The following E2F8 variants were observed in gnomAD, a reference collection of about 807,000 sequenced individuals.
The protein encoded by E2F8 is transcription factor E2F8.
E2F8 carries 35 observed loss-of-function variants against 80.8 expected under a neutral mutation model. The observed-to-expected ratio is 0.43, with a 90% confidence interval of 0.33 to 0.57. E2F8 has a LOEUF of 0.57. Among genes scored for constraint, E2F8 ranks in the 20% least tolerant of loss-of-function variants. E2F8 has a pLI of 0.04. For missense variants in E2F8, 975 were observed against 1,056.2 expected (o/e 0.92, Z 1.07); for synonymous variants, 386 against 395.0 (o/e 0.98, Z 0.27).
At chr11:19,233,750 A>G (rs986568989) in intron 6 of E2F8, among the ~76,000 whole-genome samples, 8 of 151,944 alleles carry the variant, frequency 5.3e-5, no homozygotes, top group African/African-American at 1.9e-4. Context: ...GGCCTCCCAA[A>G]GTGCTGAGAT....
chr11:19,231,865 A>G (rs1851391882), intron 7 of E2F8, among the ~76,000 whole-genome samples: 3 of 152,186 alleles, frequency 2.0e-5, no homozygotes, highest in Admixed American at 1.3e-4. Context: ...CTTTTCAATC[A>G]TATATATCTT....
intron 4 of E2F8, among the ~76,000 whole-genome samples, chr11:19,235,690 C>T (rs1365359076): frequency 1.3e-5 from 2 of 151,342 alleles, no homozygotes; most frequent in South Asian, 2.1e-4. Flanking sequence ...GATGAGAAAA[C>T]AGAGGCTCAG....
chr11:19,233,573 C>T (rs1206469805), intron 6 of E2F8, among the ~76,000 whole-genome samples: 2 of 151,892 alleles, frequency 1.3e-5, no homozygotes, highest in African/African-American at 2.4e-5. Flanking sequence ...CTGCAAGCGC[C>T]GCCTCCCAGG....
chr11:19,229,612 G>A lies in E2F8; in HGVS notation c.1735C>T (p.Pro579Ser). Reference protein sequence around the residue: ...DTSKASASTRPGSLLPAPERQ... With the variant: ...DTSKASASTRSGSLLPAPERQ... ...TCTGGTGCTGGCAGCAAGCTTCCAG[G>A]CCTGGTAGAGGCACTGGCCTTTGAG... Residue 579 changes from proline to serine, a missense_variant, in exon 10 of 13, where the codon CCT (proline) becomes TCT (serine). Pro to Ser is a moderately conservative substitution (Grantham distance 74, BLOSUM62 -1). Transcript: ENST00000250024. The surrounding 1 kb of genome is among the most constrained non-coding windows in gnomAD (Gnocchi z 4.3). 1.2e-6 allele frequency: 2 copies of A among 1,614,136 alleles called. No individual in the cohort carries two copies. Among genetic ancestry groups the A allele is most frequent in the East Asian group, 2.2e-5 (1 of 44,876 alleles).
At chr11:19,239,446 G>A (rs781668011) in intron 2 of E2F8, among the ~76,000 whole-genome samples, 7 of 152,128 alleles carry the variant, frequency 4.6e-5, no homozygotes, top group South Asian at 2.1e-4. Flanking sequence ...TAGGAAATAT[G>A]CATGTAAGTT....
Position 19,240,211 on chromosome 11 carries a change from G to T in E2F8, c.-90C>A. On this transcript the variant is annotated 5_prime_UTR_variant, in exon 2 of 13. Coordinates refer to ENST00000250024, the MANE Select transcript of E2F8 (RefSeq NM_024680.4). ...GATGGTTCAAGTAGTCCAATCAATT[G>T]TACTAAAAGTTTTAATATCCTTAAA... 1 of 800,068 alleles carries T rather than the reference G, an allele frequency of 1.2e-6. No individual in the cohort carries two copies. Among genetic ancestry groups the T allele is most frequent in the Non-Finnish European group, 1.9e-6 (1 of 536,688 alleles). The allele number at this position is 800,068 out of a possible 1,614,324, so 49.6% of individuals were successfully genotyped here.
chr11:19,241,220 A>C (rs931104351), upstream of E2F8, among the ~76,000 whole-genome samples: 1 of 152,124 alleles, frequency 6.6e-6, no homozygotes, highest in African/African-American at 2.4e-5. This position sits in a 1 kb window ranked among gnomAD's most constrained non-coding sequence, Gnocchi z 4.5. Context: ...CGCGCCCGGA[A>C]CCACGGCAAC....
intron 5 of E2F8, 92 bp downstream of exon 5, chr11:19,234,652 C>T (rs778610376): frequency 3.9e-6 from 6 of 1,525,226 alleles, no homozygotes; most frequent in Non-Finnish European, 5.3e-6. Flanking sequence ...TTAAAGGCAG[C>T]AGTAGCTTTA....
intron 10 of E2F8, among the ~76,000 whole-genome samples, chr11:19,226,231 G>GA (rs1304281849): frequency 6.6e-6 from 1 of 152,204 alleles, no homozygotes. Context: ...GATTGTTCTT[G>GA]AATTATGTAG....
Position 19,240,099 on chromosome 11 carries a change from T to C in E2F8, c.15+8A>G. On this transcript the variant is annotated splice_region_variant and intron_variant, in intron 2 of 12. Transcript: ENST00000250024. ...ATTGCAATGATGAATACTGAAGTTA[T>C]AAAGTACCTTTTCGTTCTCCATTCT... 2.0e-6 allele frequency: 3 copies of C among 1,528,118 alleles called. No homozygotes were observed. The highest frequency in any genetic ancestry group is 2.4e-5 in the East Asian group (1 of 40,894). 94.7% of individuals were successfully genotyped at this position (1,528,118 alleles called of 1,614,324 possible).
chr11:19,233,036 C>G (rs1851421304), intron 6 of E2F8, among the ~76,000 whole-genome samples: 1 of 152,132 alleles, frequency 6.6e-6, no homozygotes, highest in African/African-American at 2.4e-5. Context: ...TAACTTACAC[C>G]TCTGCAGTTC....
chr11:19,235,673 A>G (rs1851500622), intron 4 of E2F8, among the ~76,000 whole-genome samples: 1 of 152,126 alleles, frequency 6.6e-6, no homozygotes, highest in Non-Finnish European at 1.5e-5. Context: ...AAACAAAAAA[A>G]AAAAACGATG....
rs757922771 is a variant in E2F8, at chr11:19,229,715, C to T, written c.1632G>A (p.Val544=). The change falls in exon 10 of 13, where the codon GTG becomes GTA. Residue 544 remains valine, a synonymous_variant. Coordinates refer to ENST00000250024, the MANE Select transcript of E2F8 (RefSeq NM_024680.4). This position sits in a 1 kb window ranked among gnomAD's most constrained non-coding sequence, Gnocchi z 4.3. ...VTPPQGLSPT[V]CTTHSSKATG... The stretch of plus-strand genomic sequence containing the variant: ...TAGCTTTAGAAGAGTGGGTGGTGCA[C>T]ACCGTTGGGCTCAGGCCTTGGGGTG... 1 of 1,614,186 alleles carries T rather than the reference C, an allele frequency of 6.2e-7. No individual in the cohort carries two copies. Among genetic ancestry groups the T allele is most frequent in the Admixed American group, 1.7e-5 (1 of 60,032 alleles).
rs983622433 is a variant in E2F8, at chr11:19,229,518, A to C, written c.1829T>G (p.Leu610Arg). ...GERGSKRASM[L>R]EDSGSKKKFK... ...TTTCTTTTTGGAACCACTGTCCTCG[A>C]GCATGCTTGCCCTCTTTGAGCCTCT... The change falls in exon 10 of 13, where the codon CTC becomes CGC. Residue 610 changes from leucine to arginine, a missense_variant. By Grantham distance (102) the Leu-to-Arg change is moderately radical. Coordinates refer to ENST00000250024, the MANE Select transcript of E2F8 (RefSeq NM_024680.4). This position sits in a 1 kb window ranked among gnomAD's most constrained non-coding sequence, Gnocchi z 4.3. 1 of 1,614,194 alleles carries C rather than the reference A, an allele frequency of 6.2e-7. No homozygotes were observed. The highest frequency in any genetic ancestry group is 1.3e-5 in the African/African-American group (1 of 75,038).
chr11:19,235,086 C>A, intron 4 of E2F8, 28 bp from the exon 5 acceptor site: 2 of 1,561,416 alleles, frequency 1.3e-6, no homozygotes, highest in Non-Finnish European at 1.7e-6. Context: ...TTGTGTGTTA[C>A]AGATTTTTGT....
chr11:19,237,929 C>T lies in E2F8; in HGVS notation c.219G>A (p.Glu73=). Residue 73 remains glutamate, a synonymous_variant, in exon 3 of 13, where the codon GAG becomes GAA. Coordinates refer to ENST00000250024, the MANE Select transcript of E2F8 (RefSeq NM_024680.4). ...LKMLISAVSP[E]IRNRDQKRGL... is the part of the protein sequence containing the mutation. ...CCCTTTTCTGATCTCTGTTGCGGAT[C>T]TCAGGGCTCACAGCACTGATGAGCA... The T allele has an allele frequency of 6.2e-7, 1 of 1,614,060 alleles. No homozygotes were observed. Among genetic ancestry groups the T allele is most frequent in the South Asian group, 1.1e-5 (1 of 91,072 alleles).
chr11:19,226,671 T>A (rs986406189), intron 10 of E2F8, among the ~76,000 whole-genome samples: 2 of 152,226 alleles, frequency 1.3e-5, no homozygotes, highest in Non-Finnish European at 2.9e-5. Context: ...CAGAGTTGAC[T>A]AGGTGCAACA....
intron 2 of E2F8, among the ~76,000 whole-genome samples, chr11:19,238,685 T>C (rs551783915): frequency 3.3e-5 from 5 of 152,226 alleles, no homozygotes; most frequent in Non-Finnish European, 4.4e-5. Flanking sequence ...GAGTGAGGGA[T>C]AGCATATGGT....
At position 19,229,466 on chromosome 11, in the gene E2F8, T is replaced by A; in HGVS notation, c.1881A>T (p.Glu627Asp). 6.2e-7 allele frequency: 1 copy of A among 1,613,198 alleles called. No homozygotes were observed. Among genetic ancestry groups the A allele is most frequent in the South Asian group, 1.1e-5 (1 of 90,990 alleles). The part of the protein sequence containing the change: ...KKFKEDLKGL[E>D]NVSATLFPSG... Reference sequence around the variant, plus strand: ...AGGCTGTACTTACTGCGGAGACATTTTCAAGTCCTTTTAGGTCCTCTTTAA... The same window carrying A: ...AGGCTGTACTTACTGCGGAGACATTATCAAGTCCTTTTAGGTCCTCTTTAA... Residue 627 changes from glutamate to aspartate, a missense_variant, in exon 10 of 13, where the codon GAA (glutamate) becomes GAT (aspartate). Glu to Asp is a conservative substitution (Grantham distance 45, BLOSUM62 2). Transcript: ENST00000250024. The surrounding 1 kb of genome is among the most constrained non-coding windows in gnomAD (Gnocchi z 4.3).
Sources: gnomAD v4.1 joint callset for allele counts (sites outside exome capture counted in the v4.1 genomes callset) on GRCh38, gnomAD v4.1.1 for gene constraint, Gnocchi (gnomAD v3.1) non-coding constraint, MANE v1.5 for transcripts, NCBI Gene and HGNC (gene_info 2026-07-23, HGNC 2026-07-21) for gene names.